The following IL21R variants were observed in gnomAD, a reference collection of about 807,000 sequenced individuals.
The protein encoded by IL21R is interleukin-21 receptor.
IL21R carries 14 observed loss-of-function variants against 41.3 expected under a neutral mutation model. The observed-to-expected ratio is 0.34, with a 90% CI of 0.22 to 0.53. The LOEUF (loss-of-function observed/expected upper bound fraction) is 0.53, where lower values mean the gene tolerates loss of function less well. Among genes scored for constraint, IL21R ranks in the 20% least tolerant of loss-of-function variants. The pLI, the probability that IL21R is intolerant of heterozygous loss-of-function variation, is 0.94. For missense variants in IL21R, 588 were observed against 681.6 expected, an observed-to-expected ratio of 0.86 and a Z score of 1.53; for synonymous variants, 286 against 287.6, an observed-to-expected ratio of 0.99 and a Z score of 0.05.
intron 1 of IL21R, chr16:27,403,210 C>T (rs1286770743): frequency 1.0e-5 from 14 of 1,339,262 alleles, no homozygotes; most frequent in Middle Eastern, 4.0e-4. Context: ...GCACGGGGAA[C>T]GGGTCGGATG....
At chr16:27,411,397 T>G (rs2086819169) in intron 1 of IL21R, among the ~76,000 whole-genome samples, 1 of 151,860 alleles carries the variant, frequency 6.6e-6, no homozygotes, top group Non-Finnish European at 1.5e-5. Context: ...TCTTTTCGTA[T>G]GCTTAATGGG....
rs1309030719 is a variant in IL21R at position 27,449,026 on chromosome 16, G to A, written c.1360G>A (p.Ala454Thr). 13 of 1,612,324 alleles carry A rather than the reference G, an allele frequency of 8.1e-6. No homozygotes were observed. The highest frequency in any genetic ancestry group is 1.3e-5 in the African/African-American group (1 of 75,052). The change falls in exon 9 of 9, where the codon GCA becomes ACA. Residue 454 changes from alanine to threonine, a missense_variant. By Grantham distance (58) the Ala-to-Thr change is moderately conservative (BLOSUM62 0). Transcript: ENST00000337929. Reference sequence around the variant, plus strand: ...CCTGGACAGACTAAAGCCACCCCTTGCAGATGGGGAGGACTGGGCTGGGGG... The same window carrying A: ...CCTGGACAGACTAAAGCCACCCCTTACAGATGGGGAGGACTGGGCTGGGGG... Reference protein sequence around the residue: ...SLLDRLKPPLADGEDWAGGLP... With the variant: ...SLLDRLKPPLTDGEDWAGGLP...
intron 4 of IL21R, among the ~76,000 whole-genome samples, chr16:27,439,194 A>C (rs1216955655): frequency 6.6e-6 from 1 of 152,000 alleles, no homozygotes; most frequent in Non-Finnish European, 1.5e-5. Flanking sequence ...ACACATGCAC[A>C]CTCACGCAAA....
chr16:27,450,846 C>T lies in IL21R; in HGVS notation c.*1563C>T, dbSNP rs1466792283. The T allele has an allele frequency of 4.3e-6, 1 of 232,594 alleles. No individual in the cohort carries two copies. Among genetic ancestry groups the T allele is most frequent in the Non-Finnish European group, 8.5e-6 (1 of 117,688 alleles). 14.4% of individuals were successfully genotyped at this position (232,594 alleles called of 1,614,324 possible). A position where few individuals can be genotyped will look rare whatever the true frequency, so the allele number is the denominator to read the frequency against. Reference sequence around the variant, plus strand: ...GGCTGCAGGGCTGTGCTGGAGGAGCCAGCTCTAGCTCACCCATGCTTTTGC... The same window carrying T: ...GGCTGCAGGGCTGTGCTGGAGGAGCTAGCTCTAGCTCACCCATGCTTTTGC... On this transcript the variant is annotated 3_prime_UTR_variant, in exon 9 of 9. Coordinates refer to ENST00000337929, the MANE Select transcript of IL21R (RefSeq NM_181078.3).
intron 4 of IL21R, among the ~76,000 whole-genome samples, chr16:27,438,302 C>A (rs962770842): frequency 3.6e-4 from 54 of 151,822 alleles, no homozygotes; most frequent in African/African-American, 1.2e-3. Context: ...AAAAAAAAAA[C>A]CCTCTTGGGT....
chr16:27,414,165 A>AGTGTATGTGTGTGT (rs1555495605), intron 1 of IL21R, among the ~76,000 whole-genome samples: 1 of 144,186 alleles, frequency 6.9e-6, no homozygotes, highest in African/African-American at 2.6e-5. Context: ...AGCTATGTAT[A>AGTGTATGTGTGTGT]GTGTGTGTGT....
chr16:27,408,339 G>A (rs1402336682), intron 1 of IL21R, among the ~76,000 whole-genome samples: 1 of 152,238 alleles, frequency 6.6e-6, no homozygotes, highest in African/African-American at 2.4e-5. Flanking sequence ...TGCAAGCCAG[G>A]TGAATGGAGC....
intron 8 of IL21R, among the ~76,000 whole-genome samples, chr16:27,446,703 C>A (rs539052915): frequency 1.7e-3 from 263 of 152,274 alleles, no homozygotes; most frequent in African/African-American, 6.2e-3. Flanking sequence ...TCACAGATTG[C>A]CCCACTGGTC....
At chr16:27,424,573 C>A (rs930397264) in intron 1 of IL21R, among the ~76,000 whole-genome samples, 1 of 152,146 alleles carries the variant, frequency 6.6e-6, no homozygotes, top group Admixed American at 6.5e-5. Flanking sequence ...ACTTTTAATG[C>A]TCATGACAAA....
At chr16:27,415,098 A>C (rs1340979717) in intron 1 of IL21R, among the ~76,000 whole-genome samples, 1 of 152,220 alleles carries the variant, frequency 6.6e-6, no homozygotes, top group East Asian at 1.9e-4. Flanking sequence ...ATTTGTTAGG[A>C]AAAAATTCAT....
At position 27,446,183 on chromosome 16, in the gene IL21R, C is replaced by G. The variant is rs1328673587; in HGVS notation, c.867+95C>G. On this transcript the variant is annotated intron_variant, in intron 8 of 8. Coordinates refer to ENST00000337929, the MANE Select transcript of IL21R (RefSeq NM_181078.3). The stretch of plus-strand genomic sequence containing the variant: ...CCCCAGGCTCCCCAGCCTCACCCCA[C>G]AGGCCTAGAGCATCCAGGTCTCAGC... 11 of 985,776 alleles carry G rather than the reference C, an allele frequency of 1.1e-5. No individual in the cohort carries two copies. The East Asian group carries it at 2.1e-4, about 19-fold the overall frequency. 61.1% of individuals were successfully genotyped at this position (985,776 alleles called of 1,614,324 possible). A position where few individuals can be genotyped will look rare whatever the true frequency, so the allele number is the denominator to read the frequency against.
At chr16:27,403,989 G>A (rs2086701388) in intron 1 of IL21R, among the ~76,000 whole-genome samples, 1 of 152,236 alleles carries the variant, frequency 6.6e-6, no homozygotes, top group African/African-American at 2.4e-5. Context: ...ACATGGAGCT[G>A]GGATTGGATG....
At chr16:27,433,980 T>C (rs1286253388) in intron 2 of IL21R, among the ~76,000 whole-genome samples, 1 of 152,156 alleles carries the variant, frequency 6.6e-6, no homozygotes, top group Non-Finnish European at 1.5e-5. Context: ...CTACCACATC[T>C]GGGGCATTTA....
chr16:27,437,559 C>G lies in IL21R; in HGVS notation c.224C>G (p.Thr75Arg). The change falls in exon 4 of 9, where the codon ACG becomes AGG. Residue 75 changes from threonine (T) to arginine (R), a missense_variant. By Grantham distance (71) the Thr-to-Arg change is moderately conservative. Transcript: ENST00000337929. ...CTCCACAGGTCGGCCCACAATGCCACGCATGCCACCTACACCTGCCACATG... is the reference window on the plus strand; with the variant it reads ...CTCCACAGGTCGGCCCACAATGCCAGGCATGCCACCTACACCTGCCACATG... ...CSLHRSAHNA[T>R]HATYTCHMDV... The G allele has an allele frequency of 4.3e-6, 7 of 1,614,208 alleles. No homozygotes were observed. Among genetic ancestry groups the G allele is most frequent in the Non-Finnish European group, 5.9e-6 (7 of 1,180,000 alleles).
chr16:27,408,440 G>T (rs1214297001), intron 1 of IL21R, among the ~76,000 whole-genome samples: 1 of 152,186 alleles, frequency 6.6e-6, no homozygotes, highest in Admixed American at 6.5e-5. Flanking sequence ...TACCAGACAA[G>T]GAATTTGGGG....
intron 1 of IL21R, among the ~76,000 whole-genome samples, chr16:27,403,405 GA>G (rs761067495): frequency 6.6e-6 from 1 of 152,168 alleles, no homozygotes; most frequent in Non-Finnish European, 1.5e-5. Context: ...CCAGGTGCGG[GA>G]CATTCAAAGC....
intron 1 of IL21R, among the ~76,000 whole-genome samples, chr16:27,406,261 A>G (rs1369022982): frequency 2.0e-5 from 3 of 152,188 alleles, no homozygotes; most frequent in Non-Finnish European, 2.9e-5. Flanking sequence ...CTGCTCTACA[A>G]GCGGCCCCTC....
intron 3 of IL21R, among the ~76,000 whole-genome samples, chr16:27,435,655 T>C (rs1002318376): frequency 6.6e-6 from 1 of 151,972 alleles, no homozygotes; most frequent in African/African-American, 2.4e-5. Flanking sequence ...GGTTTTGCCA[T>C]GTTACCCAGG....
intron 4 of IL21R, among the ~76,000 whole-genome samples, chr16:27,442,367 T>C (rs564033614): frequency 3.3e-5 from 5 of 152,252 alleles, no homozygotes; most frequent in African/African-American, 1.2e-4. Context: ...TATTTATTTA[T>C]TTTTGTTCGT....
Sources: allele counts gnomAD v4.1 joint callset (sites outside exome capture counted in the v4.1 genomes callset), GRCh38; gene constraint gnomAD v4.1.1; transcripts MANE v1.5; gene names NCBI Gene and HGNC (gene_info 2026-07-23, HGNC 2026-07-21).